The following GRHL1 variants were observed in gnomAD, a reference collection of about 807,000 sequenced individuals.
GRHL1 encodes the protein grainyhead-like protein 1 homolog.
A neutral mutation model predicts 75.7 loss-of-function variants in GRHL1; 38 were observed. That is an observed-to-expected ratio of 0.50 (90% CI 0.39 to 0.66). The LOEUF (loss-of-function observed/expected upper bound fraction) is 0.66, where lower values mean the gene tolerates loss of function less well. Ranked by LOEUF, GRHL1 falls within the 30% of genes least tolerant of loss-of-function variation. The pLI, the probability that GRHL1 is intolerant of heterozygous loss-of-function variation, is 0.00. For missense variants in GRHL1, 589 were observed against 767.5 expected, an observed-to-expected ratio of 0.77 and a Z score of 2.75; for synonymous variants, 266 against 279.4, an observed-to-expected ratio of 0.95 and a Z score of 0.48.
At chr2:9,977,764 A>G (rs905291821) in intron 8 of GRHL1, among the ~76,000 whole-genome samples, 3 of 152,244 alleles carry the variant, frequency 2.0e-5, no homozygotes, top group African/African-American at 7.2e-5. Flanking sequence ...GATCCAGGTG[A>G]TGACCTTGAC....
chr2:9,961,974 T>C (rs1667299097), intron 4 of GRHL1, among the ~76,000 whole-genome samples: 1 of 152,168 alleles, frequency 6.6e-6, no homozygotes, highest in African/African-American at 2.4e-5. Flanking sequence ...GAAACCATAC[T>C]TAGTGACTTG....
rs558036222 is a variant in GRHL1, at chr2:9,955,733, C to T, written c.207+632C>T. ...GCTAGACATGTTACCAGCCTGCGTG[C>T]GACTTCTCACTCAGAGGTCACAGCT... is the stretch of plus-strand genomic sequence containing the variant. On this transcript the variant is annotated intron_variant, in intron 2 of 15. Transcript: ENST00000324907. Among the ~76,000 whole-genome samples the T allele has an allele frequency of 3.9e-5, 6 of 152,360 alleles. No individual in the cohort carries two copies. In the East Asian group the frequency reaches 9.6e-4, roughly 24 times the overall value.
At chr2:9,965,416 C>A in intron 8 of GRHL1, 35 bp downstream of exon 8, 1 of 1,123,856 alleles carries the variant, frequency 8.9e-7, no homozygotes, top group Non-Finnish European at 1.3e-6. Flanking sequence ...TATGTCCAGC[C>A]ATTTGAGAAA....
At chr2:9,996,177 C>A in intron 13 of GRHL1, 139 bp from the exon 14 acceptor site, 1 of 719,038 alleles carries the variant, frequency 1.4e-6, no homozygotes, top group Non-Finnish European at 2.5e-6. Context: ...TTGATATTGG[C>A]TGATGCTTGT....
chr2:9,954,464 G>A (rs1666923828), intron 1 of GRHL1, among the ~76,000 whole-genome samples: 1 of 152,184 alleles, frequency 6.6e-6, no homozygotes, highest in African/African-American at 2.4e-5. Context: ...TTTAAGGCAT[G>A]GCAGCCACAG....
chr2:9,988,187 C>A, intron 9 of GRHL1, among the ~76,000 whole-genome samples: 1 of 152,116 alleles, frequency 6.6e-6, no homozygotes, highest in East Asian at 1.9e-4. Flanking sequence ...TTAAGTTGCT[C>A]GGAAACCATC....
At chr2:9,952,892 A>C in intron 1 of GRHL1, 1 of 390,900 alleles carries the variant, frequency 2.6e-6, no homozygotes, top group Non-Finnish European at 5.1e-6. Flanking sequence ...TAAATGGATT[A>C]CTCTTATGTT....
At chr2:9,972,878 T>A (rs1373642103) in intron 8 of GRHL1, among the ~76,000 whole-genome samples, 1 of 152,166 alleles carries the variant, frequency 6.6e-6, no homozygotes, top group Non-Finnish European at 1.5e-5. Flanking sequence ...GTGGTTTTTT[T>A]TTCTGTCTGT....
Position 9,961,394 on chromosome 2 carries a change from A to G in GRHL1, c.627A>G (p.Pro209=). The G allele has an allele frequency of 1.2e-6, 2 of 1,613,826 alleles. No homozygotes were observed. The highest frequency in any genetic ancestry group is 1.7e-6 in the Non-Finnish European group (2 of 1,179,718). Reference sequence around the variant, plus strand: ...CCCCAAATGCTCAAAGGCGAACTCCAGACTCGACCTTCTCAGAGACCTTCA... The same window carrying G: ...CCCCAAATGCTCAAAGGCGAACTCCGGACTCGACCTTCTCAGAGACCTTCA... The part of the protein sequence containing the change: ...AQAPNAQRRT[P]DSTFSETFKE... The change falls in exon 4 of 16, where the codon CCA becomes CCG. Residue 209 remains proline (P), a synonymous_variant. Transcript: ENST00000324907.
At chr2:9,996,242 T>A (rs1668855445) in intron 13 of GRHL1, 74 bp from the exon 14 acceptor site, 8 of 1,087,642 alleles carry the variant, frequency 7.4e-6, no homozygotes, top group Middle Eastern at 2.0e-4. Context: ...TCTGTTTTCC[T>A]CTTTTGCTCA....
chr2:9,993,716 G>A (rs976866824), intron 12 of GRHL1, among the ~76,000 whole-genome samples: 1 of 152,202 alleles, frequency 6.6e-6, no homozygotes, highest in African/African-American at 2.4e-5. Flanking sequence ...TGGGTTCTCC[G>A]TGTGTCCTAG....
chr2:9,953,125 C>T, intron 1 of GRHL1: 1 of 455,948 alleles, frequency 2.2e-6, no homozygotes, highest in Non-Finnish European at 4.4e-6. Flanking sequence ...AACATTTTGG[C>T]CTTAGGCAGG....
At chr2:9,955,818 G>T (rs943021130) in intron 2 of GRHL1, among the ~76,000 whole-genome samples, 1 of 152,240 alleles carries the variant, frequency 6.6e-6, no homozygotes, top group African/African-American at 2.4e-5. Context: ...TCTTTCTAAT[G>T]CAGCGTGCAT....
intron 8 of GRHL1, among the ~76,000 whole-genome samples, chr2:9,981,502 G>A (rs1039614668): frequency 1.3e-5 from 2 of 152,212 alleles, no homozygotes; most frequent in South Asian, 4.1e-4. Context: ...TCTGAGGCGC[G>A]GGCCAGCTAG....
Position 10,001,671 on chromosome 2 carries a change from T to C in GRHL1, c.*964T>C, listed in dbSNP as rs1002654772. 1 of 152,268 alleles carries C rather than the reference T, an allele frequency of 6.6e-6. No homozygotes were observed. Among genetic ancestry groups the C allele is most frequent in the Non-Finnish European group, 1.5e-5 (1 of 68,052 alleles). The allele number at this position is 152,268 out of a possible 1,614,324, so 9.4% of individuals were successfully genotyped here. ...GCTGTTGAGAATGTTGTTATTTGGA[T>C]TTCTGCACTGTTTAACAAATGAAGT... is the stretch of plus-strand genomic sequence containing the variant. On this transcript the variant is annotated 3_prime_UTR_variant, in exon 16 of 16. Transcript: ENST00000324907.
At chr2:9,964,632 A>G (rs376244967) in intron 7 of GRHL1, 33 of 303,302 alleles carry the variant, frequency 1.1e-4, no homozygotes, top group African/African-American at 5.8e-4. Flanking sequence ...TCAGTCTGCA[A>G]TTGCTTTAAG....
chr2:9,960,966 G>A (rs970349034), intron 3 of GRHL1, 80 bp from the exon 4 acceptor site: 2 of 1,097,352 alleles, frequency 1.8e-6, no homozygotes, highest in Non-Finnish European at 2.6e-6. Flanking sequence ...GGACCCAACA[G>A]CCCAATGCCA....
At chr2:9,961,784 C>T (rs1667288229) in intron 4 of GRHL1, among the ~76,000 whole-genome samples, 1 of 152,176 alleles carries the variant, frequency 6.6e-6, no homozygotes, top group East Asian at 1.9e-4. Context: ...GCCAAACAAG[C>T]TCCCTGGAGC....
intron 8 of GRHL1, among the ~76,000 whole-genome samples, chr2:9,981,122 A>C (rs146432854): frequency 1.0e-3 from 152 of 152,274 alleles, no homozygotes; most frequent in African/African-American, 3.6e-3. Flanking sequence ...GTGTTTCTAC[A>C]CTCGCCATAT....
Sources: gnomAD v4.1 joint callset for allele counts (sites outside exome capture counted in the v4.1 genomes callset) on GRCh38, gnomAD v4.1.1 for gene constraint, MANE v1.5 for transcripts, NCBI Gene and HGNC (gene_info 2026-07-23, HGNC 2026-07-21) for gene names.